NLGN1: variants seen among roughly 807,000 people sequenced by gnomAD.
NLGN1 encodes the protein neuroligin-1.
In NLGN1, 12 loss-of-function variants were observed where a neutral mutation model predicts 65.5. That is an observed-to-expected ratio of 0.18 (90% CI 0.12 to 0.30). The LOEUF is 0.30. Ranked by LOEUF, NLGN1 falls within the 10% of genes least tolerant of loss-of-function variation. The pLI is 1.00. For missense variants in NLGN1, 750 were observed against 1,007.1 expected (o/e 0.74, Z 3.46); for synonymous variants, 350 against 359.5 (o/e 0.97, Z 0.30).
intron 4 of NLGN1, among the ~76,000 whole-genome samples, chr3:173,916,853 A>C (rs1740835409): frequency 2.0e-5 from 3 of 152,230 alleles, no homozygotes; most frequent in South Asian, 4.1e-4. Flanking sequence ...ATTTTTAAAA[A>C]GTAAGAACAA....
At chr3:174,063,386 G>A (rs546015762) in intron 4 of NLGN1, among the ~76,000 whole-genome samples, 10 of 152,236 alleles carry the variant, frequency 6.6e-5, no homozygotes, top group South Asian at 2.1e-4. Context: ...AATGACATCC[G>A]TAGAAACTCT....
intron 4 of NLGN1, among the ~76,000 whole-genome samples, chr3:174,046,777 A>G (rs1195687568): frequency 1.3e-5 from 2 of 152,116 alleles, no homozygotes; most frequent in African/African-American, 2.4e-5. Flanking sequence ...TTTGTGAAGT[A>G]TGAAGGGGCA....
At chr3:173,931,116 A>T (rs1744009695) in intron 4 of NLGN1, among the ~76,000 whole-genome samples, 1 of 152,162 alleles carries the variant, frequency 6.6e-6, no homozygotes, top group Non-Finnish European at 1.5e-5. Flanking sequence ...ACATTTTTAC[A>T]TTCATTGCTT....
chr3:173,438,490 C>A (rs1031755347), intron 2 of NLGN1, among the ~76,000 whole-genome samples: 1 of 152,012 alleles, frequency 6.6e-6, no homozygotes, highest in African/African-American at 2.4e-5. Flanking sequence ...CTCACAGATC[C>A]AATATGCAGT....
chr3:174,095,268 A>G (rs972015585), intron 4 of NLGN1, among the ~76,000 whole-genome samples: 8 of 150,830 alleles, frequency 5.3e-5, no homozygotes, highest in Admixed American at 4.6e-4. Context: ...AATAAATTAT[A>G]TGGGTATGGA....
intron 4 of NLGN1, among the ~76,000 whole-genome samples, chr3:174,269,603 CTT>C (rs572733443): frequency 1.7e-4 from 26 of 152,022 alleles, no homozygotes; most frequent in African/African-American, 6.0e-4. Flanking sequence ...TCAATGAACA[CTT>C]GGGTTGCTTC....
intron 3 of NLGN1, among the ~76,000 whole-genome samples, chr3:173,682,588 C>CAAAAAA (rs755337219): frequency 7.2e-5 from 3 of 41,396 alleles, no homozygotes; most frequent in Admixed American, 2.9e-4. Context: ...GACACTGTCT[C>CAAAAAA]AAAAAAAAAA....
chr3:173,809,919 T>A (rs1306201478), intron 4 of NLGN1, among the ~76,000 whole-genome samples: 3 of 152,198 alleles, frequency 2.0e-5, no homozygotes, highest in Admixed American at 1.3e-4. Flanking sequence ...TGTTAAATAT[T>A]TGTTCTGGCT....
intron 4 of NLGN1, among the ~76,000 whole-genome samples, chr3:173,942,417 A>G (rs868420389): frequency 1.3e-5 from 2 of 152,070 alleles, no homozygotes; most frequent in South Asian, 4.1e-4. Flanking sequence ...GTGACGACTG[A>G]CCTAGTAGCC....
At chr3:173,486,154 C>G (rs1266631284) in intron 2 of NLGN1, among the ~76,000 whole-genome samples, 1 of 152,176 alleles carries the variant, frequency 6.6e-6, no homozygotes, top group Non-Finnish European at 1.5e-5. Context: ...AAGCGACTCT[C>G]CTGCCTCAGC....
chr3:173,617,216 C>T (rs948649480), intron 3 of NLGN1, among the ~76,000 whole-genome samples: 8 of 152,184 alleles, frequency 5.3e-5, no homozygotes, highest in African/African-American at 1.9e-4. Flanking sequence ...CCCTTTTCCT[C>T]CAGTTATTCT....
intron 3 of NLGN1, among the ~76,000 whole-genome samples, chr3:173,733,760 G>T (rs1295919884): frequency 6.6e-6 from 1 of 152,050 alleles, no homozygotes; most frequent in African/African-American, 2.4e-5. Context: ...AATGCATATG[G>T]TCCCAAAGGT....
intron 4 of NLGN1, among the ~76,000 whole-genome samples, chr3:174,083,474 C>T (rs896774679): frequency 1.3e-5 from 2 of 152,010 alleles, no homozygotes; most frequent in Non-Finnish European, 2.9e-5. Flanking sequence ...TTTAAAATTG[C>T]AGACAACCTA....
In NLGN1 at chr3:173,528,083, C is replaced by T. The variant is rs75706855; in HGVS notation, c.-320-76196C>T. Among the ~76,000 whole-genome samples the T allele has an allele frequency of 5.6e-3, 859 of 152,226 alleles. 24 individuals are homozygous for T. In the South Asian group the frequency reaches 0.064, roughly 11 times the overall value. On this transcript the variant is annotated intron_variant, in intron 2 of 6. Transcript: ENST00000457714. ...TTGTACTTAACATGTCCTTTTATGA[C>T]GATGAGTATTGTCCTTTCATTTCCA...
intron 2 of NLGN1, among the ~76,000 whole-genome samples, chr3:173,589,249 G>T (rs1217516514): frequency 6.6e-6 from 1 of 152,092 alleles, no homozygotes; most frequent in South Asian, 2.1e-4. Context: ...ATCCAGCTAC[G>T]CTTTATGTAC....
chr3:173,435,539 G>GA (rs1383039422), intron 2 of NLGN1, among the ~76,000 whole-genome samples: 20 of 151,098 alleles, frequency 1.3e-4, no homozygotes, highest in African/African-American at 2.9e-4. Context: ...GTCATTTTTA[G>GA]AAAAAAAAAT....
intron 3 of NLGN1, among the ~76,000 whole-genome samples, chr3:173,607,989 C>G (rs1751650420): frequency 6.6e-6 from 1 of 151,784 alleles, no homozygotes; most frequent in Non-Finnish European, 1.5e-5. Context: ...TCATGCAAAA[C>G]TATTTCCTAA....
At chr3:174,268,861 G>T (rs1210636209) in intron 4 of NLGN1, among the ~76,000 whole-genome samples, 2 of 151,734 alleles carry the variant, frequency 1.3e-5, no homozygotes, top group Non-Finnish European at 2.9e-5. Context: ...AGAGCAAATT[G>T]TCTTAGAACA....
chr3:174,147,438 TTTTTTTTTTTTTG>T, intron 4 of NLGN1, among the ~76,000 whole-genome samples: 1 of 137,626 alleles, frequency 7.3e-6, no homozygotes, highest in Non-Finnish European at 1.6e-5. Context: ...TTTTTTTTTT[TTTTTTTTTTTTTG>T]AGACAGAGTT....
Sources: allele counts gnomAD v4.1 joint callset (sites outside exome capture counted in the v4.1 genomes callset), GRCh38; gene constraint gnomAD v4.1.1; transcripts MANE v1.5; gene names NCBI Gene and HGNC (gene_info 2026-07-23, HGNC 2026-07-21).